Variants in VPS53 observed in about 807,000 individuals in gnomAD.
The protein encoded by VPS53 is VPS53 subunit of GARP complex.
Under a neutral mutation model 107.0 loss-of-function variants are expected in VPS53, and 70 were observed. The observed-to-expected ratio is 0.65, with a 90% CI of 0.54 to 0.80. The LOEUF is 0.80. Among genes scored for constraint, VPS53 ranks in the 30% least tolerant of loss-of-function variants. The pLI, the probability that VPS53 is intolerant of heterozygous loss-of-function variation, is 0.00. For synonymous variants in VPS53, 409 were observed against 393.3 expected, an observed-to-expected ratio of 1.04 and a Z score of -0.47; for missense variants, 917 against 1,049.4, an observed-to-expected ratio of 0.87 and a Z score of 1.74.
intron 19 of VPS53, among the ~76,000 whole-genome samples, chr17:526,050 A>G (rs1909111112): frequency 6.6e-6 from 1 of 151,312 alleles, no homozygotes; most frequent in Non-Finnish European, 1.5e-5. Context: ...AACATGTTAC[A>G]TATTTTGCTG....
At chr17:576,332 C>T (rs149214747) in intron 13 of VPS53, among the ~76,000 whole-genome samples, 17 of 149,978 alleles carry the variant, frequency 1.1e-4, no homozygotes, top group Admixed American at 2.6e-4. Flanking sequence ...CAGAACCTAA[C>T]GCTTTCCCAG....
At chr17:655,978 A>T (rs753727028) in intron 5 of VPS53, 25 bp from the exon 6 acceptor site, 1 of 1,596,184 alleles carries the variant, frequency 6.3e-7, no homozygotes, top group Admixed American at 1.7e-5. Context: ...ACCACAAGAA[A>T]GAAAGGAAGA....
Position 519,793 on chromosome 17 carries a change from G to T in VPS53, c.2328+33C>A. 1.4e-6 allele frequency: 2 copies of T among 1,432,952 alleles called. No individual in the cohort carries two copies. Among genetic ancestry groups the T allele is most frequent in the South Asian group, 2.5e-5 (2 of 81,492 alleles). The allele number at this position is 1,432,952 out of a possible 1,614,324, so 88.8% of individuals were successfully genotyped here. On this transcript the variant is annotated intron_variant, in intron 21 of 21. Coordinates refer to ENST00000437048, the MANE Select transcript of VPS53 (RefSeq NM_001128159.3). This position sits in a 1 kb window ranked among gnomAD's most constrained non-coding sequence, Gnocchi z 5.0. Reference sequence around the variant, plus strand: ...AAGAACCGCTGAGTGTGAGGGGGATGAGCAGGTGTGGACCAAATGTCCCGG... The same window carrying T: ...AAGAACCGCTGAGTGTGAGGGGGATTAGCAGGTGTGGACCAAATGTCCCGG...
intron 10 of VPS53, among the ~76,000 whole-genome samples, chr17:625,400 T>TG (rs1178492798): frequency 6.7e-6 from 1 of 150,254 alleles, no homozygotes; most frequent in Non-Finnish European, 1.5e-5. Context: ...AGTTCAAGGC[T>TG]GGGGTACGCT....
At chr17:677,897 C>T (rs1337149793) in intron 4 of VPS53, among the ~76,000 whole-genome samples, 11 of 151,794 alleles carry the variant, frequency 7.2e-5, no homozygotes, top group African/African-American at 2.7e-4. Flanking sequence ...GGCAGGAGGT[C>T]GCTTGAACCC....
intron 17 of VPS53, among the ~76,000 whole-genome samples, chr17:548,861 T>C (rs1317788340): frequency 6.6e-6 from 1 of 152,222 alleles, no homozygotes; most frequent in Non-Finnish European, 1.5e-5. Flanking sequence ...GCCCTACTAA[T>C]CACAAACTCA....
At chr17:560,383 T>C (rs369258133) in intron 15 of VPS53, 43 bp downstream of exon 15, 2 of 1,593,198 alleles carry the variant, frequency 1.3e-6, no homozygotes, top group African/African-American at 2.7e-5. Context: ...GCCCAGAGGG[T>C]TCAGGAAAAG....
Position 532,887 on chromosome 17 carries a change from G to C in VPS53, c.2040C>G (p.Thr680=). Residue 680 remains threonine, a synonymous_variant, in exon 19 of 22, where the codon ACC becomes ACG. Transcript: ENST00000437048. ...FANSFIPKFI[T]HLFKCKPISM... is the part of the protein sequence containing the mutation. Reference sequence around the variant, plus strand: ...TAATTGGCTTGCACTTGAAGAGGTGGGTGATGAATTTGGGAATGAAGGAGC... The same window carrying C: ...TAATTGGCTTGCACTTGAAGAGGTGCGTGATGAATTTGGGAATGAAGGAGC... 6.2e-7 allele frequency: 1 copy of C among 1,613,996 alleles called. No homozygotes were observed. The highest frequency in any genetic ancestry group is 1.7e-4 in the Middle Eastern group (1 of 6,060).
At chr17:623,889 T>C (rs1969575247) in intron 10 of VPS53, among the ~76,000 whole-genome samples, 1 of 152,122 alleles carries the variant, frequency 6.6e-6, no homozygotes, top group Non-Finnish European at 1.5e-5. Flanking sequence ...GGCAAAAAAA[T>C]CAGGGGTCAT....
chr17:710,516 C>G lies in VPS53; in HGVS notation c.168+17G>C, dbSNP rs754156139. 1.2e-6 allele frequency: 2 copies of G among 1,605,334 alleles called. No homozygotes were observed. Among genetic ancestry groups the G allele is most frequent in the Admixed American group, 3.4e-5 (2 of 59,654 alleles). On this transcript the variant is annotated intron_variant, in intron 2 of 21. Transcript: ENST00000437048. The stretch of plus-strand genomic sequence containing the variant: ...CCAAAAGCTGCTGAAAGGAAGGAAA[C>G]CTGAAACTCTACTTACTTGCTCGGT...
At chr17:607,574 C>A (rs967570918) in intron 11 of VPS53, among the ~76,000 whole-genome samples, 1 of 152,172 alleles carries the variant, frequency 6.6e-6, no homozygotes, top group Admixed American at 6.5e-5. Context: ...GCTTGCTTTG[C>A]AGCTGTCACA....
chr17:574,492 C>T lies in VPS53; in HGVS notation c.1314-11747G>A, dbSNP rs539048331. ...TTAAACCCTGGGCCTTGGCTGGGCG[C>T]GGTGGCTCATGCCTGTAATCCCAGC... On this transcript the variant is annotated intron_variant, in intron 13 of 21. Coordinates refer to ENST00000437048, the MANE Select transcript of VPS53 (RefSeq NM_001128159.3). Among the ~76,000 whole-genome samples, 39 of 152,192 alleles carry T rather than the reference C, an allele frequency of 2.6e-4. No individual in the cohort carries two copies. In the East Asian group the frequency reaches 4.2e-3, roughly 17 times the overall value.
At chr17:631,657 C>G (rs775598010) in intron 7 of VPS53, 29 bp from the exon 8 acceptor site, 1 of 1,601,118 alleles carries the variant, frequency 6.2e-7, no homozygotes, top group Non-Finnish European at 8.6e-7. Flanking sequence ...ATATCATCAC[C>G]TGGCATCATA....
At chr17:556,053 G>A (rs1260074566) in intron 15 of VPS53, among the ~76,000 whole-genome samples, 1 of 152,130 alleles carries the variant, frequency 6.6e-6, no homozygotes, top group African/African-American at 2.4e-5. Context: ...GAGGCAAGAA[G>A]ATCACTTGAG....
At chr17:540,262 C>T (rs1264504816) in intron 17 of VPS53, 1 of 152,164 alleles carries the variant, frequency 6.6e-6, no homozygotes, top group Admixed American at 6.5e-5. Flanking sequence ...TAGTTCACTG[C>T]AGCCTTGACT....
At position 623,651 on chromosome 17, in the gene VPS53, C is replaced by A; in HGVS notation, c.998G>T (p.Arg333Leu). 2 of 1,612,906 alleles carry A rather than the reference C, an allele frequency of 1.2e-6. No homozygotes were observed. The highest frequency in any genetic ancestry group is 1.7e-6 in the Non-Finnish European group (2 of 1,179,172). The part of the protein sequence containing the change: ...VTRAELAKIM[R>L]TRAKEIEVKL... ...CACTTCAATTTCCTTCGCTCTGGTA[C>A]GCATAATCTTGGCAAGTTCTGCCCT... Residue 333 changes from arginine to leucine, a missense_variant, in exon 11 of 22, where the codon CGT (arginine) becomes CTT (leucine). Transcript: ENST00000437048.
intron 11 of VPS53, among the ~76,000 whole-genome samples, chr17:611,116 C>T (rs1030290687): frequency 2.0e-5 from 3 of 152,036 alleles, no homozygotes; most frequent in Admixed American, 6.5e-5. Context: ...TGGGTTCAAG[C>T]GATTCTCCTG....
At chr17:629,620 A>G (rs186681) in intron 8 of VPS53, among the ~76,000 whole-genome samples, 135,595 of 151,682 alleles carry the variant, frequency 0.89, 60,672 homozygotes, top group South Asian at 0.95. Context: ...AAAATTAGCC[A>G]GGCGTGGTGG....
intron 18 of VPS53, among the ~76,000 whole-genome samples, chr17:535,341 C>G (rs1349314673): frequency 6.6e-6 from 1 of 152,196 alleles, no homozygotes; most frequent in Non-Finnish European, 1.5e-5. Flanking sequence ...CAACCGACTC[C>G]TCCTTCACTT....
Sources: gnomAD v4.1 joint callset for allele counts (sites outside exome capture counted in the v4.1 genomes callset) on GRCh38, gnomAD v4.1.1 for gene constraint, Gnocchi (gnomAD v3.1) non-coding constraint, MANE v1.5 for transcripts, NCBI Gene and HGNC (gene_info 2026-07-23, HGNC 2026-07-21) for gene names.